The following PALM2AKAP2 variants were observed in gnomAD, a reference collection of about 807,000 sequenced individuals.
PALM2AKAP2 encodes PALM2-AKAP2 fusion protein.
PALM2AKAP2 carries 37 observed loss-of-function variants against 71.5 expected under a neutral mutation model. The ratio of observed to expected loss-of-function variants is 0.52; its 90% CI spans 0.40 to 0.68. PALM2AKAP2 has a LOEUF of 0.68. PALM2AKAP2 is among the 30% of genes least tolerant of loss of function. The probability of loss-of-function intolerance (pLI) is 0.00; values close to 1 mark genes in which losing one functional copy is unlikely to be tolerated. For missense variants in PALM2AKAP2, 1,224 were observed against 1,191.8 expected (o/e 1.03, Z -0.40); for synonymous variants, 468 against 478.8 (o/e 0.98, Z 0.29).
At chr9:109,776,280 A>G (rs1829347376), upstream of PALM2AKAP2, among the ~76,000 whole-genome samples, 1 of 152,224 alleles carries the variant, frequency 6.6e-6, no homozygotes, top group African/African-American at 2.4e-5. Flanking sequence ...CTGGAAGAGG[A>G]AAAAAGATTT....
chr9:110,052,733 GC>G (rs1412618065), intron 1 of PALM2AKAP2, among the ~76,000 whole-genome samples: 3 of 152,160 alleles, frequency 2.0e-5, no homozygotes, highest in Non-Finnish European at 4.4e-5. Context: ...CCGTCTTCTT[GC>G]CTTGATGGGT....
intron 7 of PALM2AKAP2, chr9:110,025,164 G>C (rs1431264206): frequency 7.2e-7 from 1 of 1,385,672 alleles, no homozygotes; most frequent in African/African-American, 1.4e-5. Flanking sequence ...GGGTAACATT[G>C]TAGACTCTTC....
At chr9:110,016,691 C>T (rs989897349) in intron 7 of PALM2AKAP2, among the ~76,000 whole-genome samples, 3 of 152,236 alleles carry the variant, frequency 2.0e-5, no homozygotes, top group East Asian at 1.9e-4. Context: ...CCCTCTGTTA[C>T]GGGATTAAAC....
At chr9:109,665,891 G>A (rs567458544) in intron 1 of PALM2AKAP2, among the ~76,000 whole-genome samples, 98 of 152,346 alleles carry the variant, frequency 6.4e-4, no homozygotes, top group Middle Eastern at 3.4e-3. Context: ...TCAAGCCTCA[G>A]CAATGGCGGA....
intron 1 of PALM2AKAP2, among the ~76,000 whole-genome samples, chr9:109,717,603 T>A (rs1261542443): frequency 6.6e-6 from 1 of 152,148 alleles, no homozygotes. Flanking sequence ...CCATAGAAGG[T>A]CTTCTTCTTT....
intron 1 of PALM2AKAP2, among the ~76,000 whole-genome samples, chr9:110,105,332 T>A (rs1835093147): frequency 6.6e-6 from 1 of 152,192 alleles, no homozygotes. Context: ...CCTGGTAACA[T>A]AGAGTTGTTT....
chr9:109,966,196 G>A (rs563600118), intron 6 of PALM2AKAP2, among the ~76,000 whole-genome samples: 24 of 152,320 alleles, frequency 1.6e-4, no homozygotes, highest in African/African-American at 5.3e-4. Flanking sequence ...GGGCATCGTA[G>A]AAAATGGATT....
At chr9:109,998,191 A>G (rs1832610306) in intron 6 of PALM2AKAP2, among the ~76,000 whole-genome samples, 3 of 152,098 alleles carry the variant, frequency 2.0e-5, no homozygotes, top group Non-Finnish European at 1.5e-5. Context: ...GGTTGATATG[A>G]TTTTGTCCAG....
chr9:110,019,159 G>T (rs1833030627), intron 7 of PALM2AKAP2, among the ~76,000 whole-genome samples: 1 of 147,344 alleles, frequency 6.8e-6, no homozygotes, highest in African/African-American at 2.5e-5. Flanking sequence ...AGAATCACTT[G>T]AACCAGGGAG....
At chr9:109,927,861 A>G (rs1830992901) in intron 5 of PALM2AKAP2, among the ~76,000 whole-genome samples, 1 of 152,200 alleles carries the variant, frequency 6.6e-6, no homozygotes, top group African/African-American at 2.4e-5. Flanking sequence ...TATAGTATAT[A>G]TCTGGTGCTA....
chr9:109,689,200 C>CT (rs200092612), intron 1 of PALM2AKAP2, among the ~76,000 whole-genome samples: 265 of 134,130 alleles, frequency 2.0e-3, no homozygotes, highest in East Asian at 0.019. Context: ...TTTTTCTTTT[C>CT]TTTTTTTTTT....
At chr9:109,833,703 T>A (rs1361014074) in intron 1 of PALM2AKAP2, among the ~76,000 whole-genome samples, 1 of 152,244 alleles carries the variant, frequency 6.6e-6, no homozygotes, top group Non-Finnish European at 1.5e-5. Context: ...TTAGCATGTC[T>A]GCCCTCCCAA....
chr9:109,780,160 T>C (rs1829414344), upstream of PALM2AKAP2: 1 of 404,516 alleles, frequency 2.5e-6, no homozygotes, highest in African/African-American at 2.2e-5. Context: ...GGCGGAGAAC[T>C]AGCGCCGGGC....
intron 1 of PALM2AKAP2, among the ~76,000 whole-genome samples, chr9:109,653,663 G>A (rs905569561): frequency 1.9e-4 from 29 of 152,116 alleles, no homozygotes; most frequent in African/African-American, 6.3e-4. Context: ...GGTGTAGTTG[G>A]GGGGTTCCTG....
At chr9:110,136,583 G>A (rs765530304) in exon 2 of PALM2AKAP2, 18 of 1,613,394 alleles carry the variant, frequency 1.1e-5, no homozygotes, top group Admixed American at 1.7e-5. Context: ...TCCTCACATC[G>A]AGCTCAGTAA....
exon 2 of PALM2AKAP2, chr9:110,136,751 A>C: frequency 6.2e-7 from 1 of 1,614,198 alleles, no homozygotes; most frequent in Non-Finnish European, 8.5e-7. Context: ...CACTCTCACC[A>C]CACTGAAAAA....
intron 1 of PALM2AKAP2, among the ~76,000 whole-genome samples, chr9:109,733,073 C>T (rs1564128652): frequency 6.6e-6 from 1 of 151,734 alleles, no homozygotes; most frequent in Non-Finnish European, 1.5e-5. Flanking sequence ...GGCTGGGAAG[C>T]CATTGAAATG....
intron 6 of PALM2AKAP2, among the ~76,000 whole-genome samples, chr9:109,984,926 G>A (rs1460285918): frequency 6.6e-6 from 1 of 152,132 alleles, no homozygotes; most frequent in Non-Finnish European, 1.5e-5. Context: ...TGTAATCCCA[G>A]AACTTTGGGA....
At position 109,668,634 on chromosome 9, in the gene PALM2AKAP2, C is replaced by G. The variant is rs565380146; in HGVS notation, c.5+27768C>G. 6.7e-4 allele frequency among the ~76,000 whole-genome samples: 102 copies of G among 152,294 alleles called. 1 individual carries two copies. The highest frequency in any genetic ancestry group is 8.8e-5 in the Non-Finnish European group (6 of 68,018). On this transcript the variant is annotated intron_variant, in intron 1 of 6. Coordinates refer to the PALM2AKAP2 transcript ENST00000374531. ...TGGGGCACATAGAGTCTGTCTGTCT[C>G]TGTCTTTTTTTTATTTGGTCTGTGG...
Sources: gnomAD v4.1 joint callset for allele counts (sites outside exome capture counted in the v4.1 genomes callset) on GRCh38, gnomAD v4.1.1 for gene constraint, MANE v1.5 for transcripts, NCBI Gene and HGNC (gene_info 2026-07-23, HGNC 2026-07-21) for gene names.